Variants in ADGRV1 observed in about 807,000 individuals in gnomAD.
ADGRV1 encodes the protein adhesion G protein-coupled receptor V1.
In ADGRV1, 359 loss-of-function variants were observed where a neutral mutation model predicts 596.2. The ratio of observed to expected loss-of-function variants is 0.60; its 90% CI spans 0.55 to 0.66. ADGRV1 has a LOEUF of 0.66. Ranked by LOEUF, ADGRV1 falls within the 30% of genes least tolerant of loss-of-function variation. The pLI, the probability that ADGRV1 is intolerant of heterozygous loss-of-function variation, is 0.00. For missense variants in ADGRV1, 7,274 were observed against 7,575.6 expected (o/e 0.96, Z 1.48); for synonymous variants, 2,681 against 2,679.2 (o/e 1.00, Z -0.02).
At chr5:90,613,653 C>T (rs539176605) in intron 1 of ADGRV1, among the ~76,000 whole-genome samples, 6 of 152,184 alleles carry the variant, frequency 3.9e-5, no homozygotes, top group African/African-American at 1.4e-4. Flanking sequence ...TTCCTGGACT[C>T]CATTTGAACT....
In ADGRV1 at chr5:91,079,832, C is replaced by G. The variant is rs1040994478; in HGVS notation, c.18310+7228C>G. The stretch of plus-strand genomic sequence containing the variant: ...CTAAACTATTATGTTTAATTGACAT[C>G]TTTTTTCTAGGTGGACAGAGGGCAT... On this transcript the variant is annotated intron_variant, in intron 86 of 89. Coordinates refer to ENST00000405460, the MANE Select transcript of ADGRV1 (RefSeq NM_032119.4). 2.0e-5 allele frequency among the ~76,000 whole-genome samples: 3 copies of G among 152,022 alleles called. No individual in the cohort carries two copies. The East Asian group carries it at 5.8e-4, about 29-fold the overall frequency.
intron 83 of ADGRV1, among the ~76,000 whole-genome samples, chr5:90,930,306 T>G (rs1348789079): frequency 6.6e-6 from 1 of 152,158 alleles, no homozygotes; most frequent in South Asian, 2.1e-4. Context: ...AGGCATATCA[T>G]GAGTCCTTCC....
intron 85 of ADGRV1, among the ~76,000 whole-genome samples, chr5:91,050,605 TA>T (rs1256213923): frequency 3.9e-5 from 6 of 152,178 alleles, no homozygotes; most frequent in Admixed American, 6.5e-5. Context: ...AAGGTTAGAC[TA>T]AAAAGAATTT....
At chr5:91,097,925 T>G (rs1372008163) in intron 86 of ADGRV1, among the ~76,000 whole-genome samples, 1 of 152,194 alleles carries the variant, frequency 6.6e-6, no homozygotes, top group East Asian at 1.9e-4. Context: ...GGTATTTTGT[T>G]GTTAAGTTGT....
chr5:91,067,142 A>ATTTTTT (rs35645124), intron 85 of ADGRV1, among the ~76,000 whole-genome samples: 2 of 130,400 alleles, frequency 1.5e-5, no homozygotes, highest in East Asian at 2.3e-4. Flanking sequence ...TGCAAAGGAG[A>ATTTTTT]TTTTTTTTTT....
At chr5:90,860,722 TAAA>T (rs200972948) in intron 82 of ADGRV1, among the ~76,000 whole-genome samples, 3 of 135,228 alleles carry the variant, frequency 2.2e-5, no homozygotes. Flanking sequence ...GGTGGTATAA[TAAA>T]AAAAAAAAAG....
chr5:90,596,635 C>G (rs1048976096), intron 1 of ADGRV1, among the ~76,000 whole-genome samples: 1 of 152,132 alleles, frequency 6.6e-6, no homozygotes, highest in African/African-American at 2.4e-5. Context: ...CAAAAAAATA[C>G]GAAAACCAGT....
intron 85 of ADGRV1, among the ~76,000 whole-genome samples, chr5:91,061,679 A>T (rs543073980): frequency 6.6e-6 from 1 of 152,214 alleles, no homozygotes; most frequent in Non-Finnish European, 1.5e-5. Context: ...CAATATAAGC[A>T]TATAAGTACA....
intron 22 of ADGRV1, 67 bp downstream of exon 22, chr5:90,672,789 T>G: frequency 8.3e-7 from 1 of 1,210,440 alleles, no homozygotes; most frequent in South Asian, 1.7e-5. Flanking sequence ...GTTTGTTCTG[T>G]AATTTCTTTG....
rs540900976 is a variant in ADGRV1 at position 90,717,386 on chromosome 5, T to C, written c.9447+657T>C. 1.0e-4 allele frequency: 10 copies of C among 100,326 alleles called. No homozygotes were observed. In the East Asian group the frequency reaches 4.6e-3, roughly 46 times the overall value. 6.2% of individuals were successfully genotyped at this position (100,326 alleles called of 1,614,324 possible). ...TGCACATGTACCCTAGAACTTAAAGTATAATAAAAAAAAAAGCAATTTGCA... is the reference window on the plus strand; with the variant it reads ...TGCACATGTACCCTAGAACTTAAAGCATAATAAAAAAAAAAGCAATTTGCA... On this transcript the variant is annotated intron_variant, in intron 43 of 89. Transcript: ENST00000405460.
rs545757849 is a variant in ADGRV1, at chr5:90,589,029, G to C, written c.23-25806G>C. Among the ~76,000 whole-genome samples the C allele has an allele frequency of 9.2e-5, 14 of 152,186 alleles. 1 individual carries two copies. The South Asian group carries it at 2.9e-3, about 32-fold the overall frequency. ...AGAAGCTAAAAGTATTGTCTTTCAA[G>C]AAACACAAAGAGAAAAATAAAGATA... On this transcript the variant is annotated intron_variant, in intron 1 of 89. Transcript: ENST00000405460.
chr5:91,033,025 G>T (rs981994562), intron 85 of ADGRV1, among the ~76,000 whole-genome samples: 3 of 152,234 alleles, frequency 2.0e-5, no homozygotes, highest in Middle Eastern at 3.4e-3. Flanking sequence ...CTGTTAGTTA[G>T]TGGGTTTTAT....
At chr5:90,798,296 C>T (rs1362295249) in intron 70 of ADGRV1, among the ~76,000 whole-genome samples, 2 of 152,234 alleles carry the variant, frequency 1.3e-5, no homozygotes, top group Non-Finnish European at 2.9e-5. Context: ...ACTATAAACA[C>T]CTCTATGCAA....
At chr5:91,066,548 A>T (rs900012793) in intron 85 of ADGRV1, among the ~76,000 whole-genome samples, 1 of 152,212 alleles carries the variant, frequency 6.6e-6, no homozygotes, top group Non-Finnish European at 1.5e-5. Context: ...TTAAAAGAAG[A>T]GTTAAAAGGT....
At chr5:91,035,956 A>C (rs1157922917) in intron 85 of ADGRV1, among the ~76,000 whole-genome samples, 1 of 146,292 alleles carries the variant, frequency 6.8e-6, no homozygotes, top group Non-Finnish European at 1.5e-5. Context: ...TACACACAGA[A>C]TCTCAAGAAC....
intron 84 of ADGRV1, among the ~76,000 whole-genome samples, chr5:90,972,720 T>G (rs1022796733): frequency 6.6e-6 from 1 of 152,056 alleles, no homozygotes; most frequent in Non-Finnish European, 1.5e-5. Flanking sequence ...GAGGGAAATT[T>G]ATAGCACTAA....
At chr5:90,865,294 G>A (rs1001389173) in intron 83 of ADGRV1, among the ~76,000 whole-genome samples, 2 of 152,058 alleles carry the variant, frequency 1.3e-5, no homozygotes, top group Admixed American at 6.6e-5. Context: ...TAGAAAACCC[G>A]CCTTCCATAA....
At chr5:90,618,826 T>C (rs2152058012) in intron 3 of ADGRV1, among the ~76,000 whole-genome samples, 1 of 151,896 alleles carries the variant, frequency 6.6e-6, no homozygotes, top group East Asian at 1.9e-4. Context: ...TATTAGCCAG[T>C]GATTATTTAT....
At chr5:90,718,568 T>C (rs1750465199) in intron 43 of ADGRV1, 1 of 152,180 alleles carries the variant, frequency 6.6e-6, no homozygotes, top group Non-Finnish European at 1.5e-5. Flanking sequence ...ATTATTTTTT[T>C]AAATGATCAT....
Sources: gnomAD v4.1 joint callset for allele counts (sites outside exome capture counted in the v4.1 genomes callset) on GRCh38, gnomAD v4.1.1 for gene constraint, MANE v1.5 for transcripts, NCBI Gene and HGNC (gene_info 2026-07-23, HGNC 2026-07-21) for gene names.